NRCAM: variants seen among roughly 807,000 people sequenced by gnomAD.
NRCAM encodes neuronal cell adhesion molecule, also known as NgCAM-related cell adhesion molecule.
A neutral mutation model predicts 156.5 loss-of-function variants in NRCAM; 83 were observed. The observed-to-expected ratio is 0.53, with a 90% CI of 0.44 to 0.64. The LOEUF is 0.64. Among genes scored for constraint, NRCAM ranks in the 30% least tolerant of loss-of-function variants. NRCAM has a pLI of 0.00. For synonymous variants in NRCAM, 538 were observed against 563.9 expected (o/e 0.95, Z 0.65); for missense variants, 1,417 against 1,597.3 (o/e 0.89, Z 1.92).
At chr7:108,174,760 T>A (rs553025364) in intron 28 of NRCAM, among the ~76,000 whole-genome samples, 49 of 152,336 alleles carry the variant, frequency 3.2e-4, no homozygotes, top group African/African-American at 1.2e-3. Context: ...GAAGAGCATA[T>A]GGGTCACCTG....
intron 1 of NRCAM, among the ~76,000 whole-genome samples, chr7:108,429,163 CTTTAAACTGGAT>C (rs1821455183): frequency 1.3e-5 from 2 of 152,250 alleles, no homozygotes; most frequent in East Asian, 1.9e-4. Flanking sequence ...GGAATCTCCT[CTTTAAACTGGAT>C]TTTAAACTGG....
intron 13 of NRCAM, among the ~76,000 whole-genome samples, chr7:108,206,332 C>T (rs528747184): frequency 2.6e-5 from 4 of 152,296 alleles, no homozygotes; most frequent in South Asian, 4.1e-4. Flanking sequence ...ATTCGGCAGA[C>T]CTTTTGGTTA....
intron 1 of NRCAM, among the ~76,000 whole-genome samples, chr7:108,420,940 T>C (rs931770126): frequency 6.6e-5 from 10 of 152,170 alleles, no homozygotes; most frequent in African/African-American, 2.4e-4. Context: ...ATCTCTTTAA[T>C]ATAGTAAGAG....
chr7:108,226,416 A>G (rs1562830800), intron 8 of NRCAM, 38 bp from the exon 9 acceptor site: 2 of 1,502,068 alleles, frequency 1.3e-6, no homozygotes, highest in Admixed American at 1.7e-5. Context: ...TTATTCCATC[A>G]TAAAGTGGCT....
At position 108,180,502 on chromosome 7, in the gene NRCAM, T is replaced by C. The variant is rs557013154; in HGVS notation, c.2647-75A>G. ...TTCCTTATGCTCACAAAATTGAAACTGTTGTTTTTCCAGAAAATTCCGTTG... is the reference window on the plus strand; with the variant it reads ...TTCCTTATGCTCACAAAATTGAAACCGTTGTTTTTCCAGAAAATTCCGTTG... On this transcript the variant is annotated intron_variant, in intron 24 of 32. Coordinates refer to ENST00000379028, the MANE Select transcript of NRCAM (RefSeq NM_001037132.4). The C allele has an allele frequency of 1.5e-5, 18 of 1,235,956 alleles. No homozygotes were observed. In the East Asian group the frequency reaches 3.1e-4, roughly 21 times the overall value. 76.6% of individuals were successfully genotyped at this position (1,235,956 alleles called of 1,614,324 possible). A position where few individuals can be genotyped will look rare whatever the true frequency, so the allele number is the denominator to read the frequency against.
chr7:108,396,572 GAAGA>G (rs1192294601), intron 2 of NRCAM, among the ~76,000 whole-genome samples: 1 of 151,504 alleles, frequency 6.6e-6, no homozygotes, highest in African/African-American at 2.5e-5. Context: ...AAAATAGCTA[GAAGA>G]AAGATTTCTA....
intron 2 of NRCAM, among the ~76,000 whole-genome samples, chr7:108,360,640 T>C (rs1229272658): frequency 2.0e-5 from 3 of 152,164 alleles, no homozygotes; most frequent in East Asian, 1.9e-4. Context: ...CTGCTGTGAG[T>C]AGACATATAA....
chr7:108,403,487 T>C (rs1221673722), intron 1 of NRCAM, among the ~76,000 whole-genome samples: 3 of 152,232 alleles, frequency 2.0e-5, no homozygotes, highest in Non-Finnish European at 4.4e-5. Flanking sequence ...AATAAATTTA[T>C]TTTAGTGTAT....
chr7:108,395,387 T>C (rs2099773906), intron 2 of NRCAM, among the ~76,000 whole-genome samples: 1 of 152,220 alleles, frequency 6.6e-6, no homozygotes, highest in Non-Finnish European at 1.5e-5. Flanking sequence ...TCCACCAAAA[T>C]GGCCCACGAA....
intron 1 of NRCAM, among the ~76,000 whole-genome samples, chr7:108,421,812 G>A (rs1810300979): frequency 6.6e-6 from 1 of 152,134 alleles, no homozygotes. Flanking sequence ...AGTTTATTTT[G>A]AGAACTCTGT....
chr7:108,421,509 A>T (rs1468516958), intron 1 of NRCAM, among the ~76,000 whole-genome samples: 4 of 152,232 alleles, frequency 2.6e-5, no homozygotes, highest in African/African-American at 9.6e-5. Context: ...AAAGAATGTG[A>T]ATGCATTTTG....
chr7:108,279,045 A>C (rs2097759212), intron 3 of NRCAM, among the ~76,000 whole-genome samples: 1 of 152,008 alleles, frequency 6.6e-6, no homozygotes, highest in Admixed American at 6.5e-5. Context: ...CCACTGAAAG[A>C]AGGTTGTCTG....
chr7:108,391,769 G>C (rs1384040325), intron 2 of NRCAM, among the ~76,000 whole-genome samples: 2 of 152,170 alleles, frequency 1.3e-5, no homozygotes. Flanking sequence ...AGGCAGGCCT[G>C]GTGGTGACAA....
chr7:108,198,519 A>G (rs1159206852), intron 13 of NRCAM, among the ~76,000 whole-genome samples: 1 of 152,120 alleles, frequency 6.6e-6, no homozygotes, highest in Non-Finnish European at 1.5e-5. Flanking sequence ...AAAAACTCTT[A>G]CAAGTTTAGG....
intron 2 of NRCAM, among the ~76,000 whole-genome samples, chr7:108,348,040 T>A (rs894375501): frequency 2.3e-4 from 35 of 152,250 alleles, no homozygotes; most frequent in Non-Finnish European, 1.5e-4. Flanking sequence ...TAGAACAGCA[T>A]TCTGTATTCA....
chr7:108,241,290 T>C (rs983427942), intron 3 of NRCAM, among the ~76,000 whole-genome samples: 19 of 152,206 alleles, frequency 1.2e-4, no homozygotes, highest in African/African-American at 4.6e-4. Context: ...CAGCCTGCCT[T>C]GCATATTGGA....
In NRCAM at chr7:108,285,152, T is replaced by G. The variant is rs114088790; in HGVS notation, c.-107+27513A>C. The stretch of plus-strand genomic sequence containing the variant: ...CTCTAAGTCCACCCAATGGCTTTAT[T>G]CCTCAGTCTCCTCCCTCAGTCTCAG... On this transcript the variant is annotated intron_variant, in intron 3 of 32. Coordinates refer to ENST00000379028, the MANE Select transcript of NRCAM (RefSeq NM_001037132.4). 5.7e-3 allele frequency among the ~76,000 whole-genome samples: 863 copies of G among 152,308 alleles called. 10 individuals carry two copies. The highest frequency in any genetic ancestry group is 0.02 in the African/African-American group (817 of 41,570).
At chr7:108,279,259 A>G (rs2097765614) in intron 3 of NRCAM, among the ~76,000 whole-genome samples, 1 of 152,112 alleles carries the variant, frequency 6.6e-6, no homozygotes, top group Non-Finnish European at 1.5e-5. Flanking sequence ...AGTTTTATCA[A>G]TTTTATTTCC....
chr7:108,263,592 A>G (rs2096965840), intron 3 of NRCAM, among the ~76,000 whole-genome samples: 1 of 152,238 alleles, frequency 6.6e-6, no homozygotes, highest in Non-Finnish European at 1.5e-5. Context: ...ATTGCCTCAA[A>G]TCATGGTGGG....
Sources: allele counts gnomAD v4.1 joint callset (sites outside exome capture counted in the v4.1 genomes callset), GRCh38; gene constraint gnomAD v4.1.1; transcripts MANE v1.5; gene names NCBI Gene and HGNC (gene_info 2026-07-23, HGNC 2026-07-21).